The following TMEM67 variants were observed in gnomAD, a reference collection of about 807,000 sequenced individuals.
The protein encoded by TMEM67 is transmembrane protein 67.
TMEM67 carries 124 observed loss-of-function variants against 136.6 expected under a neutral mutation model. That is an observed-to-expected ratio of 0.91 (90% CI 0.78 to 1.05). The LOEUF is 1.05. Among genes scored for constraint, TMEM67 ranks in the 50% least tolerant of loss-of-function variants. The pLI, the probability that TMEM67 is intolerant of heterozygous loss-of-function variation, is 0.00. For synonymous variants in TMEM67, 364 were observed against 390.5 expected (o/e 0.93, Z 0.80); for missense variants, 1,107 against 1,178.4 (o/e 0.94, Z 0.89).
At chr8:93,825,252 G>T in the TMEM67 span, among the ~76,000 whole-genome samples, 4 of 152,174 alleles carry the variant, frequency 2.6e-5, no homozygotes, top group African/African-American at 9.7e-5. Flanking sequence ...GTGAGTATAG[G>T]TGCGACATTC....
intron 12 of TMEM67, among the ~76,000 whole-genome samples, 181 bp downstream of exon 12, chr8:93,785,559 A>G (rs1309031946): frequency 6.6e-6 from 1 of 152,178 alleles, no homozygotes; most frequent in East Asian, 1.9e-4. Flanking sequence ...AACTGTTGCT[A>G]ATTTTATTGC....
At chr8:93,773,614 A>G (rs1183856285) in intron 7 of TMEM67, among the ~76,000 whole-genome samples, 1 of 152,228 alleles carries the variant, frequency 6.6e-6, no homozygotes, top group Non-Finnish European at 1.5e-5. Context: ...CAAGAGAGAA[A>G]AAAAGTTCAA....
At chr8:93,832,493 T>C in the TMEM67 span, among the ~76,000 whole-genome samples, 1 of 152,026 alleles carries the variant, frequency 6.6e-6, no homozygotes, top group Admixed American at 6.6e-5. Flanking sequence ...AAAAGACCCC[T>C]CTAGGTATTT....
rs1813778442 is a variant in TMEM67 at position 93,780,669 on chromosome 8, C to T, written c.791C>T (p.Thr264Ile). ...VMNMNSYDFA[T>I]FDACGLFQFI... Reference sequence around the variant, plus strand: ...AACATGAATTCTTACGACTTTGCCACATTTGATGCATGTGGACTATTTCAG... The same window carrying T: ...AACATGAATTCTTACGACTTTGCCATATTTGATGCATGTGGACTATTTCAG... Residue 264 changes from threonine (T) to isoleucine (I), a missense_variant, in exon 8 of 28, where the codon ACA becomes ATA. Physicochemically the swap from Thr to Ile is moderately conservative, Grantham distance 89. Coordinates refer to ENST00000453321, the MANE Select transcript of TMEM67 (RefSeq NM_153704.6). The T allele has an allele frequency of 1.2e-6, 2 of 1,614,094 alleles. No individual in the cohort carries two copies. Among genetic ancestry groups the T allele is most frequent in the Non-Finnish European group, 1.7e-6 (2 of 1,180,026 alleles).
chr8:93,818,111 A>G lies in TMEM67; in HGVS notation c.*1659A>G, dbSNP rs987612297. On this transcript the variant is annotated 3_prime_UTR_variant, in exon 28 of 28. Transcript: ENST00000453321. ...TGGCTAGGTGCATAAAAATGTGTTC[A>G]GATTTTCATACACTGTCGACTCCTT... 6.6e-6 allele frequency: 1 copy of G among 152,204 alleles called. No individual in the cohort carries two copies. The highest frequency in any genetic ancestry group is 1.5e-5 in the Non-Finnish European group (1 of 68,036). 9.4% of individuals were successfully genotyped at this position (152,204 alleles called of 1,614,324 possible). A position where few individuals can be genotyped will look rare whatever the true frequency, so the allele number is the denominator to read the frequency against.
intron 25 of TMEM67, 58 bp from the exon 26 acceptor site, chr8:93,809,727 T>A (rs1808620199): frequency 2.0e-6 from 2 of 983,716 alleles, no homozygotes; most frequent in African/African-American, 1.6e-5. Context: ...TTTACATTAA[T>A]TGCAAAGCAT....
intron 2 of TMEM67, chr8:93,756,987 T>C (rs1812599203): frequency 2.0e-5 from 3 of 151,790 alleles, no homozygotes; most frequent in African/African-American, 7.3e-5. Flanking sequence ...GGCAAGAGAA[T>C]CGCTTGAACT....
chr8:93,795,993 T>C lies in TMEM67; in HGVS notation c.1860+6T>C, dbSNP rs1168422925. On this transcript the variant is annotated splice_donor_region_variant and intron_variant, in intron 18 of 27. Transcript: ENST00000453321. ...GATGTGCCTTTGCTCTGAAGGTAAG[T>C]TTTAAAGGACAGGTTACCAAATTTA... 1 of 1,603,292 alleles carries C rather than the reference T, an allele frequency of 6.2e-7. No individual in the cohort carries two copies. The highest frequency in any genetic ancestry group is 8.5e-7 in the Non-Finnish European group (1 of 1,170,302).
At position 93,765,415 on chromosome 8, in the gene TMEM67, ATG is replaced by A. The variant is rs1813037622; in HGVS notation, c.519_520del (p.Cys173Ter). The A allele has an allele frequency of 6.2e-7, 1 of 1,611,458 alleles. No homozygotes were observed. The highest frequency in any genetic ancestry group is 1.1e-5 in the South Asian group (1 of 90,924). ...TTGTTATATTGAACAGGTGCGTCCG[ATG>A]TGAGCCAACATTTGTTAATACCAGC... ...VNALGDRCVR[C>X]EPTFVNTSRS... On this transcript the variant is annotated frameshift_variant, in exon 5 of 28. Coordinates refer to ENST00000453321, the MANE Select transcript of TMEM67 (RefSeq NM_153704.6). LOFTEE classifies it high-confidence loss of function.
intron 23 of TMEM67, among the ~76,000 whole-genome samples, chr8:93,808,266 T>C (rs1196158791): frequency 3.5e-5 from 5 of 144,252 alleles, no homozygotes; most frequent in Non-Finnish European, 7.5e-5. Flanking sequence ...GTGATAAATA[T>C]ATAAATATAT....
At chr8:93,781,022 GATTTATAAT>G in intron 9 of TMEM67, 40 bp downstream of exon 9, 1 of 1,285,460 alleles carries the variant, frequency 7.8e-7, no homozygotes, top group Non-Finnish European at 1.1e-6. Flanking sequence ...ACTACATTTT[GATTTATAAT>G]TTTAAAAGGT....
chr8:93,780,664 T>C lies in TMEM67; in HGVS notation c.786T>C (p.Phe262=), dbSNP rs1222482768. ...MCVMNMNSYD[F]ATFDACGLFQ... ...TGATGAACATGAATTCTTACGACTT[T>C]GCCACATTTGATGCATGTGGACTAT... Residue 262 remains phenylalanine, a synonymous_variant, in exon 8 of 28, where the codon TTT becomes TTC. Transcript: ENST00000453321. 3 of 1,614,154 alleles carry C rather than the reference T, an allele frequency of 1.9e-6. No individual in the cohort carries two copies. Among genetic ancestry groups the C allele is most frequent in the Admixed American group, 1.7e-5 (1 of 60,034 alleles).
At chr8:93,782,157 G>A (rs550167357) in intron 10 of TMEM67, among the ~76,000 whole-genome samples, 1 of 152,198 alleles carries the variant, frequency 6.6e-6, no homozygotes, top group East Asian at 1.9e-4. Context: ...CTCGTGATCC[G>A]CCCTTCTTGG....
intron 3 of TMEM67, 176 bp downstream of exon 3, chr8:93,758,752 C>T (rs1812691012): frequency 3.4e-6 from 2 of 583,272 alleles, no homozygotes; most frequent in South Asian, 4.2e-5. Flanking sequence ...CATAACACCA[C>T]TGCAGCTGGC....
intron 26 of TMEM67, among the ~76,000 whole-genome samples, chr8:93,814,124 G>A (rs1229809166): frequency 2.9e-5 from 4 of 139,732 alleles, no homozygotes; most frequent in Non-Finnish European, 6.1e-5. Context: ...TGCAAGAGTT[G>A]TATATGTATA....
chr8:93,808,512 A>C (rs1244886850), intron 23 of TMEM67, among the ~76,000 whole-genome samples: 64 of 6,164 alleles, frequency 0.01, no homozygotes, highest in South Asian at 0.028. Context: ...AGATGAATAT[A>C]TATATTTATA....
chr8:93,789,489 T>C (rs898970964), intron 14 of TMEM67, among the ~76,000 whole-genome samples: 1 of 151,538 alleles, frequency 6.6e-6, no homozygotes, highest in African/African-American at 2.4e-5. Context: ...CTACTAAAAA[T>C]ACAAAATCAG....
intron 23 of TMEM67, among the ~76,000 whole-genome samples, chr8:93,808,517 T>TAATAGATCTA (rs1259594767): frequency 0.016 from 49 of 2,982 alleles, no homozygotes; most frequent in Non-Finnish European, 0.023. Context: ...AATATATATA[T>TAATAGATCTA]TTATAATCTA....
chr8:93,813,475 G>A (rs1373599862), intron 26 of TMEM67, among the ~76,000 whole-genome samples: 3 of 152,186 alleles, frequency 2.0e-5, no homozygotes, highest in East Asian at 1.9e-4. Flanking sequence ...CACTGTGCCC[G>A]ATCTCACTAC....
Sources: gnomAD v4.1 joint callset for allele counts (sites outside exome capture counted in the v4.1 genomes callset) on GRCh38, gnomAD v4.1.1 for gene constraint, MANE v1.5 for transcripts, NCBI Gene and HGNC (gene_info 2026-07-23, HGNC 2026-07-21) for gene names.